The following LRP1B variants were observed in gnomAD, a reference collection of about 807,000 sequenced individuals.
The protein encoded by LRP1B is low-density lipoprotein receptor-related protein 1B.
A neutral mutation model predicts 556.6 loss-of-function variants in LRP1B; 217 were observed. The ratio of observed to expected loss-of-function variants is 0.39; its 90% CI spans 0.35 to 0.44. LRP1B has a LOEUF of 0.44. Among genes scored for constraint, LRP1B ranks in the 20% least tolerant of loss-of-function variants. LRP1B has a pLI of 1.00. For missense variants in LRP1B, 5,053 were observed against 5,620.8 expected (o/e 0.90, Z 3.23); for synonymous variants, 2,047 against 1,865.8 (o/e 1.10, Z -2.50).
intron 41 of LRP1B, among the ~76,000 whole-genome samples, chr2:140,698,178 C>T (rs768230642): frequency 2.0e-5 from 3 of 151,806 alleles, no homozygotes; most frequent in Non-Finnish European, 4.4e-5. Context: ...TACCAAATGA[C>T]TCCTTGTCTA....
intron 3 of LRP1B, among the ~76,000 whole-genome samples, chr2:141,256,278 T>A (rs954769338): frequency 1.3e-5 from 2 of 151,376 alleles, no homozygotes; most frequent in Admixed American, 6.6e-5. Context: ...AAGAGGACAA[T>A]ATGAGAAAGT....
intron 7 of LRP1B, among the ~76,000 whole-genome samples, chr2:141,161,870 G>T (rs1280044669): frequency 6.6e-6 from 1 of 152,012 alleles, no homozygotes; most frequent in Non-Finnish European, 1.5e-5. Flanking sequence ...TGAGAGCAGG[G>T]GGAAGTGATT....
chr2:141,533,063 G>A (rs1684945598), intron 2 of LRP1B, among the ~76,000 whole-genome samples: 1 of 152,224 alleles, frequency 6.6e-6, no homozygotes, highest in East Asian at 1.9e-4. Flanking sequence ...TCACCTCAAT[G>A]CCTGAACCAA....
At position 141,978,031 on chromosome 2, in the gene LRP1B, C is replaced by T. The variant is rs553709477; in HGVS notation, c.82+152617G>A. Among the ~76,000 whole-genome samples the T allele has an allele frequency of 2.6e-5, 4 of 152,166 alleles. No individual in the cohort carries two copies. The South Asian group carries it at 6.2e-4, about 24-fold the overall frequency. On this transcript the variant is annotated intron_variant, in intron 1 of 90. Transcript: ENST00000389484. ...TTGCATACAGACAATATCATATGAACAACTCGCAAACCACATAATTTTTTA... is the reference window on the plus strand; with the variant it reads ...TTGCATACAGACAATATCATATGAATAACTCGCAAACCACATAATTTTTTA...
At chr2:141,613,548 C>G (rs1246877226) in intron 2 of LRP1B, among the ~76,000 whole-genome samples, 2 of 152,048 alleles carry the variant, frequency 1.3e-5, no homozygotes, top group Non-Finnish European at 2.9e-5. Flanking sequence ...TGGCATATAC[C>G]TGTACTCTTA....
intron 1 of LRP1B, among the ~76,000 whole-genome samples, chr2:141,925,614 CTA>C: frequency 6.6e-6 from 1 of 152,170 alleles, no homozygotes; most frequent in Non-Finnish European, 1.5e-5. Context: ...CAGCAGGAGA[CTA>C]TTATCTTTCT....
At chr2:140,506,760 T>G in intron 53 of LRP1B, 36 bp downstream of exon 53, 2 of 1,594,106 alleles carry the variant, frequency 1.3e-6, no homozygotes, top group East Asian at 4.5e-5. Context: ...ACTCTTAGCC[T>G]AGGAATCTCC....
chr2:141,402,041 G>A (rs545408361), intron 3 of LRP1B, among the ~76,000 whole-genome samples: 1 of 152,288 alleles, frequency 6.6e-6, no homozygotes, highest in South Asian at 2.1e-4. Context: ...AGGGTGAGAA[G>A]CTGTGCATGA....
chr2:141,199,122 G>GT (rs1681885708), intron 6 of LRP1B, among the ~76,000 whole-genome samples: 1 of 152,112 alleles, frequency 6.6e-6, no homozygotes, highest in Non-Finnish European at 1.5e-5. Context: ...CTTGTGATCA[G>GT]GGTTCTGTTT....
At chr2:141,367,597 C>T (rs1689091222) in intron 3 of LRP1B, among the ~76,000 whole-genome samples, 1 of 150,740 alleles carries the variant, frequency 6.6e-6, no homozygotes, top group African/African-American at 2.4e-5. Context: ...ATTCTCCTTC[C>T]CCAGCCTCCC....
chr2:142,074,287 T>G (rs2104917551), intron 1 of LRP1B, among the ~76,000 whole-genome samples: 1 of 152,184 alleles, frequency 6.6e-6, no homozygotes, highest in East Asian at 1.9e-4. Context: ...CCCAGTAGGC[T>G]TTGCCTAGCT....
chr2:141,795,075 T>A (rs556998556), intron 2 of LRP1B, among the ~76,000 whole-genome samples: 1 of 152,088 alleles, frequency 6.6e-6, no homozygotes, highest in Admixed American at 6.6e-5. Flanking sequence ...TTTTTTAGGT[T>A]GTTGAGAAGT....
chr2:140,246,654 A>T (rs540935583), intron 87 of LRP1B, among the ~76,000 whole-genome samples: 1 of 151,634 alleles, frequency 6.6e-6, no homozygotes, highest in East Asian at 1.9e-4. Context: ...CTTCTCTTTC[A>T]GACTAACCAA....
rs926645643 is a variant in LRP1B at position 142,131,009 on chromosome 2, G to T, written c.-280C>A. ...GTGTGTCTTGACTTTTCAATGCAGGGTACGTCTGATCTTACATCACGCAAG... is the reference window on the plus strand; with the variant it reads ...GTGTGTCTTGACTTTTCAATGCAGGTTACGTCTGATCTTACATCACGCAAG... On this transcript the variant is annotated 5_prime_UTR_variant, in exon 1 of 91. Coordinates refer to ENST00000389484, the MANE Select transcript of LRP1B (RefSeq NM_018557.3). 7.8e-6 allele frequency: 4 copies of T among 514,272 alleles called. No individual in the cohort carries two copies. Among genetic ancestry groups the T allele is most frequent in the Non-Finnish European group, 1.1e-5 (3 of 281,148 alleles). 31.9% of individuals were successfully genotyped at this position (514,272 alleles called of 1,614,324 possible).
At chr2:141,524,551 G>GT (rs1470697491) in intron 2 of LRP1B, among the ~76,000 whole-genome samples, 9 of 152,068 alleles carry the variant, frequency 5.9e-5, no homozygotes, top group Admixed American at 1.3e-4. Flanking sequence ...TTAAAACATT[G>GT]TAAGTTTTTT....
At chr2:141,238,323 A>G (rs1285866458) in intron 5 of LRP1B, among the ~76,000 whole-genome samples, 1 of 152,140 alleles carries the variant, frequency 6.6e-6, no homozygotes, top group Non-Finnish European at 1.5e-5. Flanking sequence ...GTAATATTTG[A>G]GTTTAAAATG....
At chr2:141,964,816 G>A (rs1420069450) in intron 1 of LRP1B, among the ~76,000 whole-genome samples, 6 of 151,970 alleles carry the variant, frequency 3.9e-5, no homozygotes, top group Non-Finnish European at 7.4e-5. Context: ...GCAACCTACA[G>A]AATGGGAGAA....
At chr2:141,613,018 C>A (rs917265054) in intron 2 of LRP1B, among the ~76,000 whole-genome samples, 1 of 151,622 alleles carries the variant, frequency 6.6e-6, no homozygotes, top group African/African-American at 2.4e-5. Context: ...ACCGTGTTAG[C>A]CAGGATGGTC....
chr2:141,705,986 C>A (rs1314682393), intron 2 of LRP1B, among the ~76,000 whole-genome samples: 1 of 151,904 alleles, frequency 6.6e-6, no homozygotes, highest in East Asian at 1.9e-4. Flanking sequence ...CTTCACCATT[C>A]GACAAAAATT....
Sources: allele counts gnomAD v4.1 joint callset (sites outside exome capture counted in the v4.1 genomes callset), GRCh38; gene constraint gnomAD v4.1.1; transcripts MANE v1.5; gene names NCBI Gene and HGNC (gene_info 2026-07-23, HGNC 2026-07-21).